Variants in TTLL1 observed in about 807,000 individuals in gnomAD.
TTLL1 encodes polyglutamylase complex subunit TTLL1.
In TTLL1, 33 loss-of-function variants were observed where a neutral mutation model predicts 47.8. The ratio of observed to expected loss-of-function variants is 0.69; its 90% CI spans 0.52 to 0.92. TTLL1 has a LOEUF of 0.92. Ranked by LOEUF, TTLL1 falls within the 40% of genes least tolerant of loss-of-function variation. The probability of loss-of-function intolerance (pLI) is 0.00; values close to 1 mark genes in which losing one functional copy is unlikely to be tolerated. For missense variants in TTLL1, 488 were observed against 547.5 expected (o/e 0.89, Z 1.08); for synonymous variants, 225 against 214.1 (o/e 1.05, Z -0.45).
intron 8 of TTLL1, among the ~76,000 whole-genome samples, chr22:43,058,681 C>T (rs1259327575): frequency 1.3e-5 from 2 of 151,498 alleles, no homozygotes; most frequent in African/African-American, 2.4e-5. Flanking sequence ...AAAGTGAAAA[C>T]AGGTTTTTTT....
chr22:43,064,727 A>G (rs1291602735), intron 5 of TTLL1, among the ~76,000 whole-genome samples: 1 of 152,032 alleles, frequency 6.6e-6, no homozygotes, highest in Non-Finnish European at 1.5e-5. Context: ...CTCCATCTCA[A>G]ATAAATAAAT....
chr22:43,064,352 A>G, intron 5 of TTLL1, 28 bp from the exon 6 acceptor site: 1 of 1,598,422 alleles, frequency 6.3e-7, no homozygotes, highest in Non-Finnish European at 8.5e-7. Flanking sequence ...AGTAAAAATT[A>G]GATGGTAAAA....
chr22:43,076,253 C>T (rs1928477915), intron 2 of TTLL1, among the ~76,000 whole-genome samples: 1 of 149,788 alleles, frequency 6.7e-6, no homozygotes, highest in South Asian at 2.1e-4. Context: ...GTTGGGAGTT[C>T]AAGACCAGCG....
intron 8 of TTLL1, among the ~76,000 whole-genome samples, chr22:43,054,827 G>A (rs1218302708): frequency 8.8e-5 from 13 of 147,294 alleles, no homozygotes; most frequent in Non-Finnish European, 1.6e-4. Context: ...CCGGGTTCAC[G>A]CCATTCTCCT....
intron 8 of TTLL1, chr22:43,052,319 T>A (rs1239994795): frequency 5.1e-6 from 1 of 197,482 alleles, no homozygotes; most frequent in East Asian, 1.1e-4. Context: ...GGTGCCAGAC[T>A]ATTAACCTCT....
In TTLL1 at chr22:43,052,168, G is replaced by A. The variant is rs527859929; in HGVS notation, c.892-281C>T. 10 of 430,962 alleles carry A rather than the reference G, an allele frequency of 2.3e-5. No homozygotes were observed. The East Asian group carries it at 4.3e-4, about 19-fold the overall frequency. 26.7% of individuals were successfully genotyped at this position (430,962 alleles called of 1,614,324 possible). On this transcript the variant is annotated intron_variant, in intron 8 of 10. Coordinates refer to ENST00000266254, the MANE Select transcript of TTLL1 (RefSeq NM_012263.5). ...TGACTAGCACCCAACCCCTCTGTTG[G>A]CGTGAGACTGTCATCAGAGTGAACG...
chr22:43,078,905 C>T (rs1928686676), intron 2 of TTLL1, among the ~76,000 whole-genome samples: 1 of 141,364 alleles, frequency 7.1e-6, no homozygotes, highest in Non-Finnish European at 1.5e-5. Context: ...GTGAGCCCAT[C>T]CCACACCCCT....
chr22:43,040,496 T>A lies in TTLL1; in HGVS notation c.1143-591A>T, dbSNP rs554061808. On this transcript the variant is annotated intron_variant, in intron 10 of 10. Coordinates refer to ENST00000266254, the MANE Select transcript of TTLL1 (RefSeq NM_012263.5). The stretch of plus-strand genomic sequence containing the variant: ...AGTTTCACTCTATCACCAAGGCTGG[T>A]ATACAGTGGCGCAATCTTGGCTCAC... Among the ~76,000 whole-genome samples, 8 of 152,168 alleles carry A rather than the reference T, an allele frequency of 5.3e-5. No individual in the cohort carries two copies. The East Asian group carries it at 1.5e-3, about 29-fold the overall frequency.
chr22:43,044,805 T>TGGGAAAA (rs1925974953), intron 10 of TTLL1, among the ~76,000 whole-genome samples: 1 of 151,962 alleles, frequency 6.6e-6, no homozygotes, highest in Non-Finnish European at 1.5e-5. Context: ...TACACCCTTT[T>TGGGAAAA]CTGCAGTGAG....
At chr22:43,061,596 T>C (rs1927390187) in intron 7 of TTLL1, among the ~76,000 whole-genome samples, 1 of 151,884 alleles carries the variant, frequency 6.6e-6, no homozygotes, top group African/African-American at 2.4e-5. Context: ...AAAGAAGGAG[T>C]CTTTCATAAA....
intron 3 of TTLL1, among the ~76,000 whole-genome samples, chr22:43,072,254 C>T (rs937833448): frequency 4.0e-5 from 6 of 150,088 alleles, no homozygotes; most frequent in South Asian, 2.1e-4. Context: ...CCCGGGTTCA[C>T]GCCATTCTCC....
chr22:43,082,770 T>C (rs1283337487), intron 1 of TTLL1, among the ~76,000 whole-genome samples: 4 of 150,818 alleles, frequency 2.7e-5, no homozygotes, highest in South Asian at 2.1e-4. Context: ...TCCCAGCACT[T>C]TGGGAGGCCA....
intron 7 of TTLL1, among the ~76,000 whole-genome samples, chr22:43,060,483 G>A (rs1927323146): frequency 7.2e-6 from 1 of 138,116 alleles, no homozygotes; most frequent in Non-Finnish European, 1.5e-5. Flanking sequence ...CTTTCCTGGG[G>A]AAGCCAACCT....
Position 43,039,804 on chromosome 22 carries a change from C to T in TTLL1, c.1244G>A (p.Gly415Glu). Residue 415 changes from glycine (G) to glutamate (E), a missense_variant, in exon 11 of 11, where the codon GGG becomes GAG. Gly to Glu is a moderately conservative substitution (Grantham distance 98). Coordinates refer to ENST00000266254, the MANE Select transcript of TTLL1 (RefSeq NM_012263.5). ...CTTCCAGGTGGTGAGGACCGCTCTCCCCGAGTCTCTCGATCGGCCTGCTCT... is the reference window on the plus strand; with the variant it reads ...CTTCCAGGTGGTGAGGACCGCTCTCTCCGAGTCTCTCGATCGGCCTGCTCT... ...GPRAGRSRDSGRAVLTTWK is the reference protein window; with the variant it reads ...GPRAGRSRDSERAVLTTWK The T allele has an allele frequency of 6.2e-7, 1 of 1,613,892 alleles. No individual in the cohort carries two copies. The highest frequency in any genetic ancestry group is 1.1e-5 in the South Asian group (1 of 91,060).
chr22:43,056,850 T>G (rs1010595285), intron 8 of TTLL1, among the ~76,000 whole-genome samples: 7 of 152,086 alleles, frequency 4.6e-5, no homozygotes, highest in African/African-American at 1.7e-4. Flanking sequence ...TGGAGTGCAT[T>G]GGCGTGATCG....
intron 5 of TTLL1, 41 bp from the exon 6 acceptor site, chr22:43,064,365 T>G (rs761870532): frequency 6.3e-7 from 1 of 1,590,922 alleles, no homozygotes; most frequent in African/African-American, 1.4e-5. Context: ...TGGTAAAAGA[T>G]GCAATAACGA....
At chr22:43,075,731 C>A (rs1928445246) in intron 2 of TTLL1, 141 bp from the exon 3 acceptor site, 2 of 731,150 alleles carry the variant, frequency 2.7e-6, no homozygotes, top group Admixed American at 2.3e-5. Context: ...GATTCCATCT[C>A]CCAGGGGACA....
chr22:43,055,424 C>A (rs1028236887), intron 8 of TTLL1, among the ~76,000 whole-genome samples: 3 of 152,194 alleles, frequency 2.0e-5, no homozygotes, highest in Admixed American at 2.0e-4. Context: ...CTCCATCTTC[C>A]AGGCTCAAGT....
intron 5 of TTLL1, among the ~76,000 whole-genome samples, chr22:43,066,023 G>A (rs1226526154): frequency 6.6e-6 from 1 of 151,868 alleles, no homozygotes; most frequent in Non-Finnish European, 1.5e-5. Flanking sequence ...GCCAGGTGTG[G>A]TGGCGGGTGC....
Sources: allele counts gnomAD v4.1 joint callset (sites outside exome capture counted in the v4.1 genomes callset), GRCh38; gene constraint gnomAD v4.1.1; transcripts MANE v1.5; gene names NCBI Gene and HGNC (gene_info 2026-07-23, HGNC 2026-07-21).